The following OR51B5 variants were observed in gnomAD, a reference collection of about 807,000 sequenced individuals.
OR51B5 encodes the protein olfactory receptor family 51 subfamily B member 5, also known as olfactory receptor 51B5.
For synonymous variants in OR51B5, 186 were observed against 144.8 expected, an observed-to-expected ratio of 1.28 and a Z score of -2.04; for missense variants, 456 against 374.6, an observed-to-expected ratio of 1.22 and a Z score of -1.79.
chr11:5,408,399 C>A (rs1222882991), intron 1 of OR51B5, among the ~76,000 whole-genome samples: 1 of 130,918 alleles, frequency 7.6e-6, no homozygotes, highest in African/African-American at 2.7e-5. Context: ...TTCTTTCCTT[C>A]CTTCCTTTTC....
chr11:5,455,568 A>AGAGAGAGCGAGAAAGAGAAAGAGAGAG, intron 1 of OR51B5: 1 of 135,428 alleles, frequency 7.4e-6, no homozygotes, highest in African/African-American at 2.8e-5. Context: ...AAGGGGGGAG[A>AGAGAGAGCGAGAAAGAGAAAGAGAGAG]GAGAGAGAGA....
chr11:5,406,780 T>C (rs1279696422), intron 1 of OR51B5, among the ~76,000 whole-genome samples: 1 of 152,116 alleles, frequency 6.6e-6, no homozygotes, highest in African/African-American at 2.4e-5. Flanking sequence ...AAGGGAAGCC[T>C]AGAGAAGTGA....
At chr11:5,442,851 C>T (rs990002158) in intron 1 of OR51B5, among the ~76,000 whole-genome samples, 5 of 152,126 alleles carry the variant, frequency 3.3e-5, no homozygotes, top group Non-Finnish European at 5.9e-5. Context: ...AAAACATTCT[C>T]TCTCCTAATT....
At chr11:5,454,245 G>A (rs371003411) in intron 1 of OR51B5, 1 of 1,614,150 alleles carries the variant, frequency 6.2e-7, no homozygotes, top group Non-Finnish European at 8.5e-7. Flanking sequence ...TGCATTTTAT[G>A]TGCCAATGAT....
chr11:5,419,369 C>A (rs1171216886), intron 1 of OR51B5, among the ~76,000 whole-genome samples: 1 of 152,210 alleles, frequency 6.6e-6, no homozygotes, highest in Non-Finnish European at 1.5e-5. Flanking sequence ...TGGAATTCAA[C>A]AGAACTACAG....
chr11:5,379,865 C>T (rs1216311721), intron 1 of OR51B5, among the ~76,000 whole-genome samples: 1 of 152,094 alleles, frequency 6.6e-6, no homozygotes, highest in African/African-American at 2.4e-5. Context: ...CATGTGATCT[C>T]CTTGCATGCA....
At chr11:5,447,440 G>T (rs1850783062) in intron 1 of OR51B5, among the ~76,000 whole-genome samples, 1 of 152,138 alleles carries the variant, frequency 6.6e-6, no homozygotes, top group Non-Finnish European at 1.5e-5. Flanking sequence ...TCTATAGGTG[G>T]TAGTAGCTTC....
chr11:5,349,527 A>C (rs543644195), intron 1 of OR51B5, among the ~76,000 whole-genome samples: 4 of 152,072 alleles, frequency 2.6e-5, no homozygotes, highest in Non-Finnish European at 4.4e-5. Flanking sequence ...ATTTGCTAAG[A>C]AAGCAGACCT....
intron 1 of OR51B5, among the ~76,000 whole-genome samples, chr11:5,474,917 G>C (rs757304265): frequency 8.5e-5 from 13 of 152,164 alleles, no homozygotes; most frequent in Non-Finnish European, 1.9e-4. Flanking sequence ...CACTTTAATG[G>C]AGAAGAACTA....
At chr11:5,484,797 G>A (rs1851476947) in intron 1 of OR51B5, among the ~76,000 whole-genome samples, 1 of 152,178 alleles carries the variant, frequency 6.6e-6, no homozygotes, top group African/African-American at 2.4e-5. Flanking sequence ...TATTACCACA[G>A]TACCAACTTG....
At chr11:5,427,220 G>A (rs545666927) in intron 1 of OR51B5, among the ~76,000 whole-genome samples, 4 of 152,278 alleles carry the variant, frequency 2.6e-5, no homozygotes, top group Non-Finnish European at 4.4e-5. Context: ...TGGCTCCCAC[G>A]CATATGCACA....
At chr11:5,376,542 TCAA>T (rs1335150228) in intron 1 of OR51B5, among the ~76,000 whole-genome samples, 1 of 151,752 alleles carries the variant, frequency 6.6e-6, no homozygotes. Context: ...TTTGAAAGGA[TCAA>T]CAAAACTGAT....
At chr11:5,458,368 G>T (rs1850993482) in intron 1 of OR51B5, among the ~76,000 whole-genome samples, 1 of 152,162 alleles carries the variant, frequency 6.6e-6, no homozygotes, top group African/African-American at 2.4e-5. Context: ...TAGCCTTATA[G>T]TATAGTTTGA....
upstream of OR51B5, chr11:5,343,694 T>C: frequency 1.9e-6 from 1 of 518,662 alleles, no homozygotes; most frequent in Non-Finnish European, 3.4e-6. Flanking sequence ...GGGTTACTCA[T>C]ACTATTTGTA....
chr11:5,445,138 C>T (rs896261115), intron 1 of OR51B5, among the ~76,000 whole-genome samples: 22 of 152,024 alleles, frequency 1.4e-4, no homozygotes, highest in African/African-American at 4.6e-4. Flanking sequence ...TCTATGTATT[C>T]GTACATTGAT....
At chr11:5,417,343 T>G (rs1850258918) in intron 1 of OR51B5, among the ~76,000 whole-genome samples, 1 of 151,770 alleles carries the variant, frequency 6.6e-6, no homozygotes, top group African/African-American at 2.4e-5. Context: ...AACCTAGGCA[T>G]TACCATTCAG....
intron 1 of OR51B5, among the ~76,000 whole-genome samples, chr11:5,458,425 C>T (rs201097908): frequency 1.9e-4 from 29 of 152,032 alleles, no homozygotes; most frequent in East Asian, 1.3e-3. Context: ...TGTTTAGGAA[C>T]GCTTTGGCTC....
intron 1 of OR51B5, chr11:5,440,749 G>C (rs141506097): frequency 6.2e-7 from 1 of 1,613,838 alleles, no homozygotes; most frequent in African/African-American, 1.3e-5. Flanking sequence ...GCAATTATGG[G>C]CACATAAAAG....
chr11:5,358,974 G>A lies in OR51B5; in HGVS notation n.85-12064C>T, dbSNP rs1246852227. On this transcript the variant is annotated intron_variant and non_coding_transcript_variant, in intron 1 of 4. Transcript: ENST00000415970. ...CATGCTAAAAACTCTCAATAAATTAGGTATTGATGGGACGTATCTCAAAAT... is the reference window on the plus strand; with the variant it reads ...CATGCTAAAAACTCTCAATAAATTAAGTATTGATGGGACGTATCTCAAAAT... 2.6e-5 allele frequency among the ~76,000 whole-genome samples: 4 copies of A among 151,582 alleles called. No homozygotes were observed. In the East Asian group the frequency reaches 7.7e-4, roughly 29 times the overall value.
Sources: gnomAD v4.1 joint callset for allele counts (sites outside exome capture counted in the v4.1 genomes callset) on GRCh38, gnomAD v4.1.1 for gene constraint, MANE v1.5 for transcripts, NCBI Gene and HGNC (gene_info 2026-07-23, HGNC 2026-07-21) for gene names.